The following PID1 variants were observed in gnomAD, a reference collection of about 807,000 sequenced individuals.
PID1 encodes the protein PTB-containing, cubilin and LRP1-interacting protein.
PID1 carries 10 observed loss-of-function variants against 19.1 expected under a neutral mutation model. The observed-to-expected ratio is 0.52, with a 90% CI of 0.32 to 0.89. The LOEUF (loss-of-function observed/expected upper bound fraction) is 0.89. Among genes scored for constraint, PID1 ranks in the 40% least tolerant of loss-of-function variants. PID1 has a pLI of 0.03. For synonymous variants in PID1, 130 were observed against 116.0 expected (o/e 1.12, Z -0.78); for missense variants, 248 against 285.3 (o/e 0.87, Z 0.94).
chr2:229,049,918 T>C (rs1363279982), intron 2 of PID1, among the ~76,000 whole-genome samples: 1 of 108,546 alleles, frequency 9.2e-6, no homozygotes, highest in Non-Finnish European at 1.8e-5. Flanking sequence ...AAGATATATA[T>C]ACATATATAC....
In PID1 at chr2:229,247,388, C is replaced by A. The variant is rs114239079; in HGVS notation, c.30+23626G>T. Among the ~76,000 whole-genome samples the A allele has an allele frequency of 4.0e-3, 608 of 152,218 alleles. 3 individuals carry two copies. The highest frequency in any genetic ancestry group is 0.014 in the African/African-American group (574 of 41,532). Reference sequence around the variant, plus strand: ...AATGACCATCACATTTATATTCCTGCCAGATTACAGGAAGAAGAGTGCAGA... The same window carrying A: ...AATGACCATCACATTTATATTCCTGACAGATTACAGGAAGAAGAGTGCAGA... On this transcript the variant is annotated intron_variant, in intron 1 of 2. Transcript: ENST00000392055.
chr2:229,025,479 T>C lies in PID1; in HGVS notation c.*153A>G, dbSNP rs914604081. ...AACGTAATTACTTTAATGATACATT[T>C]CTTTAGATTTAGAATTGCTCTTCTG... On this transcript the variant is annotated 3_prime_UTR_variant, in exon 3 of 3. Transcript: ENST00000392055. 1 of 651,888 alleles carries C rather than the reference T, an allele frequency of 1.5e-6. No homozygotes were observed. Among genetic ancestry groups the C allele is most frequent in the Non-Finnish European group, 2.7e-6 (1 of 364,602 alleles). The allele number at this position is 651,888 out of a possible 1,614,324, so 40.4% of individuals were successfully genotyped here. A position where few individuals can be genotyped will look rare whatever the true frequency, so the allele number is the denominator to read the frequency against.
At chr2:229,232,106 C>T (rs1026092813) in intron 1 of PID1, 11 of 1,480,464 alleles carry the variant, frequency 7.4e-6, no homozygotes, top group Non-Finnish European at 8.1e-6. Context: ...AGGGGAGGAG[C>T]CCTGATGACT....
chr2:229,226,953 A>C (rs1441659448), intron 1 of PID1, among the ~76,000 whole-genome samples: 1 of 152,194 alleles, frequency 6.6e-6, no homozygotes, highest in East Asian at 1.9e-4. Context: ...CTGTAGTGTC[A>C]AACTTTCACA....
intron 1 of PID1, among the ~76,000 whole-genome samples, chr2:229,195,982 A>G (rs1691369877): frequency 6.6e-6 from 1 of 152,136 alleles, no homozygotes; most frequent in Non-Finnish European, 1.5e-5. Flanking sequence ...CAACACTAAG[A>G]ATCCAAGAAT....
intron 2 of PID1, among the ~76,000 whole-genome samples, chr2:229,150,008 C>G (rs760442524): frequency 1.3e-5 from 2 of 152,002 alleles, no homozygotes; most frequent in Admixed American, 6.5e-5. Context: ...GAGGCCGAGG[C>G]GGGTGGATCA....
chr2:229,107,563 T>C (rs1392347048), intron 2 of PID1, among the ~76,000 whole-genome samples: 1 of 151,428 alleles, frequency 6.6e-6, no homozygotes, highest in Non-Finnish European at 1.5e-5. Flanking sequence ...GTCTTGTTTA[T>C]GTCACATAAA....
chr2:229,264,368 G>C (rs146374878), intron 1 of PID1, among the ~76,000 whole-genome samples: 2 of 152,260 alleles, frequency 1.3e-5, no homozygotes, highest in East Asian at 3.9e-4. Flanking sequence ...CCGCCTGGCA[G>C]AAACTAAAGG....
In PID1 at chr2:229,253,974, C is replaced by G. The variant is rs754348428; in HGVS notation, c.30+17040G>C. Reference sequence around the variant, plus strand: ...GAAAGGAGAGGGATAGAGCCACTACCAGGGTCTGGGCAGCAGGACGACAGA... The same window carrying G: ...GAAAGGAGAGGGATAGAGCCACTACGAGGGTCTGGGCAGCAGGACGACAGA... On this transcript the variant is annotated intron_variant, in intron 1 of 2. Transcript: ENST00000392055. Among the ~76,000 whole-genome samples the G allele has an allele frequency of 5.3e-5, 8 of 152,286 alleles. No homozygotes were observed. The East Asian group carries it at 1.4e-3, about 26-fold the overall frequency.
At chr2:229,257,962 C>T (rs1164036770) in intron 1 of PID1, among the ~76,000 whole-genome samples, 2 of 152,208 alleles carry the variant, frequency 1.3e-5, no homozygotes, top group Non-Finnish European at 2.9e-5. Flanking sequence ...TGGATTTGCT[C>T]TTTGCTTTCT....
intron 2 of PID1, among the ~76,000 whole-genome samples, chr2:229,134,157 C>A (rs1440507861): frequency 6.6e-6 from 1 of 151,830 alleles, no homozygotes; most frequent in Non-Finnish European, 1.5e-5. Flanking sequence ...ATACTAAAGG[C>A]CGATCTCTGG....
rs532712023 is a variant in PID1, at chr2:229,086,987, G to C, written c.178-60879C>G. Among the ~76,000 whole-genome samples, 8 of 151,724 alleles carry C rather than the reference G, an allele frequency of 5.3e-5. No homozygotes were observed. In the East Asian group the frequency reaches 1.6e-3, roughly 29 times the overall value. ...TTCCATTTTCCAACCACAAACTGCTGTCAGAATGAATACTACGTTTTAGCT... is the reference window on the plus strand; with the variant it reads ...TTCCATTTTCCAACCACAAACTGCTCTCAGAATGAATACTACGTTTTAGCT... On this transcript the variant is annotated intron_variant, in intron 2 of 2. Transcript: ENST00000392055.
chr2:229,175,454 C>T (rs1318575819), intron 1 of PID1, among the ~76,000 whole-genome samples: 1 of 152,194 alleles, frequency 6.6e-6, no homozygotes, highest in Non-Finnish European at 1.5e-5. Context: ...TTAAGCAAGG[C>T]TGCTGTTGTT....
chr2:229,200,192 T>C lies in PID1; in HGVS notation c.31-44228A>G, dbSNP rs7599387. 6.5e-3 allele frequency among the ~76,000 whole-genome samples: 992 copies of C among 152,092 alleles called. 12 individuals carry two copies. Among genetic ancestry groups the C allele is most frequent in the African/African-American group, 0.023 (965 of 41,492 alleles). On this transcript the variant is annotated intron_variant, in intron 1 of 2. Coordinates refer to ENST00000392055, the MANE Select transcript of PID1 (RefSeq NM_001100818.2). ...GGGAGGCCATGGCCATCTGAGGAGT[T>C]ATTTGGTTGGTGCAAAAGTAATTGT... is the stretch of plus-strand genomic sequence containing the variant.
intron 2 of PID1, among the ~76,000 whole-genome samples, chr2:229,123,988 A>G (rs1474189244): frequency 6.6e-6 from 1 of 152,128 alleles, no homozygotes; most frequent in South Asian, 2.1e-4. Flanking sequence ...TGGGTAATGA[A>G]CCTGCTTTAG....
intron 2 of PID1, among the ~76,000 whole-genome samples, chr2:229,075,630 G>T (rs192075379): frequency 2.0e-4 from 30 of 152,282 alleles, no homozygotes; most frequent in Admixed American, 1.8e-3. Flanking sequence ...ACTAAATGCT[G>T]CTCTACACAG....
At chr2:229,041,219 A>C (rs1240035934) in intron 2 of PID1, among the ~76,000 whole-genome samples, 1 of 152,134 alleles carries the variant, frequency 6.6e-6, no homozygotes, top group Non-Finnish European at 1.5e-5. Flanking sequence ...CTGTCACACA[A>C]AACAGTGACA....
intron 1 of PID1, among the ~76,000 whole-genome samples, chr2:229,186,494 G>A (rs6758447): frequency 0.89 from 135,642 of 152,268 alleles, 60,570 homozygotes; most frequent in African/African-American, 0.94. Context: ...GCTCAACACA[G>A]AGTGGAAGCT....
intron 1 of PID1, among the ~76,000 whole-genome samples, chr2:229,235,541 T>C (rs1229463386): frequency 6.6e-6 from 1 of 152,216 alleles, no homozygotes; most frequent in African/African-American, 2.4e-5. Flanking sequence ...TTTTCATTTA[T>C]TTTTCCTGAC....
Sources: gnomAD v4.1 joint callset for allele counts (sites outside exome capture counted in the v4.1 genomes callset) on GRCh38, gnomAD v4.1.1 for gene constraint, MANE v1.5 for transcripts, NCBI Gene and HGNC (gene_info 2026-07-23, HGNC 2026-07-21) for gene names.